The following ZNF362 variants were observed in gnomAD, a reference collection of about 807,000 sequenced individuals.
ZNF362 encodes rotund homolog.
A neutral mutation model predicts 42.9 loss-of-function variants in ZNF362; 11 were observed. The ratio of observed to expected loss-of-function variants is 0.26; its 90% CI spans 0.16 to 0.42. The LOEUF is 0.42. Among genes scored for constraint, ZNF362 ranks in the 20% least tolerant of loss-of-function variants. The pLI is 1.00. For synonymous variants in ZNF362, 255 were observed against 257.3 expected, an observed-to-expected ratio of 0.99 and a Z score of 0.09; for missense variants, 362 against 576.2, an observed-to-expected ratio of 0.63 and a Z score of 3.81.
chr1:33,243,114 TTATG>T, the ZNF362 span, among the ~76,000 whole-genome samples: 1 of 103,782 alleles, frequency 9.6e-6, no homozygotes, highest in African/African-American at 3.5e-5. Context: ...TGTTATTATG[TTATG>T]TTATGTTATG....
At chr1:33,197,372 T>G in the ZNF362 span, among the ~76,000 whole-genome samples, 2 of 152,170 alleles carry the variant, frequency 1.3e-5, no homozygotes, top group Non-Finnish European at 2.9e-5. Context: ...TATACATATA[T>G]CCTATTAGTT....
At chr1:33,167,060 A>G in the ZNF362 span, among the ~76,000 whole-genome samples, 38 of 152,090 alleles carry the variant, frequency 2.5e-4, no homozygotes, top group African/African-American at 8.9e-4. This position sits in a 1 kb window ranked among gnomAD's most constrained non-coding sequence, Gnocchi z 4.2. Flanking sequence ...AGCTCGTTCC[A>G]ATCTTCAGAC....
chr1:33,266,202 G>A lies in ZNF362; in HGVS notation c.-88-4285G>A, dbSNP rs777523772. Among the ~76,000 whole-genome samples the A allele has an allele frequency of 3.3e-5, 5 of 152,178 alleles. No homozygotes were observed. Among genetic ancestry groups the A allele is most frequent in the Non-Finnish European group, 5.9e-5 (4 of 68,028 alleles). The stretch of plus-strand genomic sequence containing the variant: ...CCTTTGCTCTCCCAGGGAGTTAACA[G>A]TTTTCCAGCTTCTGCACATGCTGCC... On this transcript the variant is annotated intron_variant, in intron 1 of 8. Transcript: ENST00000539719. This position sits in a 1 kb window ranked among gnomAD's most constrained non-coding sequence, Gnocchi z 4.3.
intron 6 of ZNF362, among the ~76,000 whole-genome samples, chr1:33,282,827 G>GA (rs11332548): frequency 0.23 from 30,987 of 132,726 alleles, 3,583 homozygotes; most frequent in South Asian, 0.28. Context: ...TGTCTCAAGA[G>GA]AAAAAAAAAA....
At chr1:33,256,801 C>G (rs1174589743) in intron 1 of ZNF362, 147 bp downstream of exon 1, 2 of 144,372 alleles carry the variant, frequency 1.4e-5, no homozygotes, top group African/African-American at 2.5e-5. Context: ...GGCCCGGGGC[C>G]GCCTGCGCCT....
chr1:33,255,280 T>A (rs1237400538), upstream of ZNF362, among the ~76,000 whole-genome samples: 1 of 152,220 alleles, frequency 6.6e-6, no homozygotes, highest in Admixed American at 6.5e-5. Flanking sequence ...GTGGTTGATG[T>A]TTACTAGGTC....
the ZNF362 span, chr1:33,176,355 C>T: frequency 3.0e-6 from 2 of 662,356 alleles, no homozygotes; most frequent in Non-Finnish European, 5.6e-6. Context: ...CCCCAGCCCC[C>T]TCCCTCCTTG....
chr1:33,229,082 C>T, the ZNF362 span, among the ~76,000 whole-genome samples: 1 of 150,828 alleles, frequency 6.6e-6, no homozygotes, highest in South Asian at 2.1e-4. Flanking sequence ...CGCCTCTGTT[C>T]AAATGTTTCT....
At chr1:33,250,525 G>A in the ZNF362 span, among the ~76,000 whole-genome samples, 3 of 152,148 alleles carry the variant, frequency 2.0e-5, no homozygotes, top group African/African-American at 7.2e-5. Flanking sequence ...TTGTAAGTGG[G>A]AGCTGAACAA....
At chr1:33,252,767 C>T (rs1030177431), upstream of ZNF362, among the ~76,000 whole-genome samples, 8 of 152,146 alleles carry the variant, frequency 5.3e-5, no homozygotes, top group Non-Finnish European at 1.2e-4. Context: ...AAATAATGTA[C>T]TCTAATCCAA....
the ZNF362 span, among the ~76,000 whole-genome samples, chr1:33,155,101 T>C: frequency 2.9e-5 from 4 of 137,664 alleles, no homozygotes; most frequent in Admixed American, 7.1e-5. Context: ...TCAAAAGGTC[T>C]CGCTCTGTCG....
At chr1:33,177,760 A>G in the ZNF362 span, among the ~76,000 whole-genome samples, 114,098 of 152,024 alleles carry the variant, frequency 0.75, 42,828 homozygotes, top group Admixed American at 0.78. The surrounding 1 kb of genome is among the most constrained non-coding windows in gnomAD (Gnocchi z 4.1). Context: ...CCTGCACAAC[A>G]GTTATCTAGC....
At chr1:33,218,899 G>A in the ZNF362 span, among the ~76,000 whole-genome samples, 1 of 146,606 alleles carries the variant, frequency 6.8e-6, no homozygotes, top group Non-Finnish European at 1.5e-5. Flanking sequence ...TCACTTTCAG[G>A]CTGGACGCAC....
chr1:33,168,693 G>A, the ZNF362 span, among the ~76,000 whole-genome samples: 53 of 152,218 alleles, frequency 3.5e-4, no homozygotes, highest in Non-Finnish European at 2.5e-4. Flanking sequence ...TACAGTCCTC[G>A]GAGCAGAGGA....
the ZNF362 span, among the ~76,000 whole-genome samples, chr1:33,169,046 C>T: frequency 6.6e-6 from 1 of 152,154 alleles, no homozygotes; most frequent in Non-Finnish European, 1.5e-5. Context: ...CTCATTTGCC[C>T]ATTCCACAAA....
chr1:33,214,732 G>A, the ZNF362 span, among the ~76,000 whole-genome samples: 2 of 152,194 alleles, frequency 1.3e-5, no homozygotes, highest in African/African-American at 4.8e-5. Flanking sequence ...TGATTGATAG[G>A]TGTTTGAAAA....
chr1:33,292,277 AG>A (rs1441233122), intron 6 of ZNF362, among the ~76,000 whole-genome samples: 1 of 152,256 alleles, frequency 6.6e-6, no homozygotes, highest in African/African-American at 2.4e-5. Context: ...TTTAGCAACA[AG>A]GGCTGTTGAA....
At chr1:33,192,160 A>G in the ZNF362 span, among the ~76,000 whole-genome samples, 5 of 152,234 alleles carry the variant, frequency 3.3e-5, no homozygotes, top group South Asian at 8.3e-4. Context: ...GACTAATTTG[A>G]CCCTATCATT....
At position 33,281,673 on chromosome 1, in the gene ZNF362, GCC is replaced by G; in HGVS notation, c.772_773del (p.Pro258AlafsTer31). Reference sequence around the variant, plus strand: ...CACACAGAGGCCAAGCCCCACAAGTGCCCGCACTGCTCCAAGTCCTTTGCCAA... The same window carrying G: ...CACACAGAGGCCAAGCCCCACAAGTGCGCACTGCTCCAAGTCCTTTGCCAA... On this transcript the variant is annotated frameshift_variant, in exon 6 of 9. Transcript: ENST00000539719. LOFTEE classifies it high-confidence loss of function. This position sits in a 1 kb window ranked among gnomAD's most constrained non-coding sequence, Gnocchi z 4.8. The G allele has an allele frequency of 6.2e-7, 1 of 1,614,218 alleles. No individual in the cohort carries two copies.
Sources: gnomAD v4.1 joint callset for allele counts (sites outside exome capture counted in the v4.1 genomes callset) on GRCh38, gnomAD v4.1.1 for gene constraint, Gnocchi (gnomAD v3.1) non-coding constraint, MANE v1.5 for transcripts, NCBI Gene and HGNC (gene_info 2026-07-23, HGNC 2026-07-21) for gene names.